The following PSD3 variants were observed in gnomAD, a reference collection of about 807,000 sequenced individuals.
PSD3 encodes the protein PH and SEC7 domain-containing protein 3.
Under a neutral mutation model 105.5 loss-of-function variants are expected in PSD3, and 49 were observed. The observed-to-expected ratio is 0.46, with a 90% confidence interval of 0.37 to 0.59. PSD3 has a LOEUF of 0.59. Among genes scored for constraint, PSD3 ranks in the 20% least tolerant of loss-of-function variants. The pLI is 0.00. For missense variants in PSD3, 1,561 were observed against 1,263.8 expected (o/e 1.24, Z -3.57); for synonymous variants, 557 against 457.8 (o/e 1.22, Z -2.77).
At chr8:19,030,617 C>T (rs1827732374) in intron 1 of PSD3, among the ~76,000 whole-genome samples, 1 of 152,174 alleles carries the variant, frequency 6.6e-6, no homozygotes, top group South Asian at 2.1e-4. Flanking sequence ...TTGTAAGCTT[C>T]CTGAGGCCTC....
intron 1 of PSD3, among the ~76,000 whole-genome samples, chr8:19,045,848 T>C (rs1411768640): frequency 6.6e-6 from 1 of 152,194 alleles, no homozygotes; most frequent in Non-Finnish European, 1.5e-5. Flanking sequence ...ATCCTCACAA[T>C]AACCTGTCAG....
intron 1 of PSD3, among the ~76,000 whole-genome samples, chr8:19,009,821 G>A (rs1437879864): frequency 6.9e-6 from 1 of 145,218 alleles, no homozygotes; most frequent in Non-Finnish European, 1.5e-5. Context: ...AGTCTGAGAG[G>A]CAGGGGTTGC....
At chr8:19,006,310 A>AG (rs1301139618) in intron 1 of PSD3, among the ~76,000 whole-genome samples, 18 of 149,816 alleles carry the variant, frequency 1.2e-4, no homozygotes, top group African/African-American at 3.9e-4. Context: ...AAAAAAAAAA[A>AG]AAAGAATATA....
At chr8:18,977,480 T>C (rs1023778118) in intron 1 of PSD3, among the ~76,000 whole-genome samples, 2 of 152,110 alleles carry the variant, frequency 1.3e-5, no homozygotes, top group African/African-American at 2.4e-5. Flanking sequence ...CTAATGTTAT[T>C]TGCTTTATTA....
intron 1 of PSD3, among the ~76,000 whole-genome samples, chr8:18,964,765 C>T (rs1824137294): frequency 6.6e-6 from 1 of 152,170 alleles, no homozygotes; most frequent in Non-Finnish European, 1.5e-5. Context: ...CTCCTTTTTA[C>T]ATCCAAGCCA....
chr8:18,979,080 A>G (rs1334445022), intron 1 of PSD3, among the ~76,000 whole-genome samples: 2 of 152,094 alleles, frequency 1.3e-5, no homozygotes, highest in African/African-American at 4.8e-5. Context: ...AATGGGTAAG[A>G]AGAGACTTCT....
chr8:18,565,362 T>A (rs970456521), intron 14 of PSD3, among the ~76,000 whole-genome samples: 4 of 151,988 alleles, frequency 2.6e-5, no homozygotes, highest in Non-Finnish European at 5.9e-5. Flanking sequence ...CCACCCCCAA[T>A]AGAAGAAAAA....
At chr8:18,942,139 T>G (rs1822586244) in intron 1 of PSD3, among the ~76,000 whole-genome samples, 1 of 152,180 alleles carries the variant, frequency 6.6e-6, no homozygotes, top group South Asian at 2.1e-4. Context: ...GAGTAGAGTT[T>G]GAGAAAGGTG....
Position 18,936,023 on chromosome 8 carries a change from G to T in PSD3, c.130+11C>A, listed in dbSNP as rs371320554. On this transcript the variant is annotated intron_variant, in intron 2 of 15. Coordinates refer to ENST00000327040, the MANE Select transcript of PSD3 (RefSeq NM_015310.4). ...AGTTTACCTGGGAGAGGGATATGAG[G>T]AAATACTTACTAGTATCTGGAGCTT... 1.9e-5 allele frequency: 29 copies of T among 1,556,110 alleles called. No individual in the cohort carries two copies. In the African/African-American group the frequency reaches 3.5e-4, roughly 19 times the overall value.
Position 18,929,027 on chromosome 8 carries a change from T to C in PSD3, c.130+7007A>G, listed in dbSNP as rs145874825. Among the ~76,000 whole-genome samples, 346 of 152,294 alleles carry C rather than the reference T, an allele frequency of 2.3e-3. 1 individual carries two copies. Among genetic ancestry groups the C allele is most frequent in the African/African-American group, 7.9e-3 (327 of 41,572 alleles). On this transcript the variant is annotated intron_variant, in intron 2 of 15. Transcript: ENST00000327040. ...AATGTTCTAAAGTGGCCTGTGGTGA[T>C]GGATGATGCACAATTCTATGAACGT...
chr8:18,879,465 T>C (rs1309488002), intron 2 of PSD3, among the ~76,000 whole-genome samples: 1 of 152,232 alleles, frequency 6.6e-6, no homozygotes, highest in Admixed American at 6.5e-5. Flanking sequence ...AATAAAATGA[T>C]GTTCAATAAA....
chr8:18,954,579 T>C (rs918870001), intron 1 of PSD3, among the ~76,000 whole-genome samples: 9 of 152,080 alleles, frequency 5.9e-5, no homozygotes, highest in Admixed American at 4.6e-4. Context: ...AGAGTTCTGG[T>C]CGGAGAAGAA....
At chr8:18,618,254 C>A (rs1168860469) in intron 11 of PSD3, among the ~76,000 whole-genome samples, 7 of 141,374 alleles carry the variant, frequency 5.0e-5, no homozygotes, top group Non-Finnish European at 9.9e-5. Flanking sequence ...TGGGCTAAAT[C>A]AATCAATGCA....
intron 3 of PSD3, 48 bp downstream of exon 3, chr8:18,871,578 T>C (rs1331760190): frequency 2.9e-5 from 44 of 1,528,826 alleles, no homozygotes; most frequent in Admixed American, 4.4e-5. Flanking sequence ...CAGTTTTCTA[T>C]GATATGTACC....
At chr8:18,707,040 G>A (rs1378262719) in intron 9 of PSD3, among the ~76,000 whole-genome samples, 1 of 152,066 alleles carries the variant, frequency 6.6e-6, no homozygotes, top group Non-Finnish European at 1.5e-5. Flanking sequence ...ATGCAATCTT[G>A]ACTACTTCTC....
intron 11 of PSD3, among the ~76,000 whole-genome samples, chr8:18,603,558 C>T (rs1014733352): frequency 6.6e-6 from 1 of 152,146 alleles, no homozygotes; most frequent in Non-Finnish European, 1.5e-5. Flanking sequence ...CTTATGAAGA[C>T]ATTATTTCAC....
intron 1 of PSD3, among the ~76,000 whole-genome samples, chr8:18,984,824 A>G (rs1378603197): frequency 6.6e-6 from 1 of 152,192 alleles, no homozygotes; most frequent in Non-Finnish European, 1.5e-5. Flanking sequence ...GCACAAGGCA[A>G]AGACCTTGGA....
chr8:18,919,889 T>C (rs1406382587), intron 2 of PSD3, among the ~76,000 whole-genome samples: 1 of 147,738 alleles, frequency 6.8e-6, no homozygotes, highest in African/African-American at 2.5e-5. Context: ...TTGGGAGATA[T>C]ACCTAATGCT....
chr8:18,980,923 G>C (rs1369756857), intron 1 of PSD3, among the ~76,000 whole-genome samples: 1 of 151,988 alleles, frequency 6.6e-6, no homozygotes, highest in Admixed American at 6.6e-5. Flanking sequence ...GCTGGTCTTC[G>C]CACTTAGCTA....
Sources: allele counts gnomAD v4.1 joint callset (sites outside exome capture counted in the v4.1 genomes callset), GRCh38; gene constraint gnomAD v4.1.1; transcripts MANE v1.5; gene names NCBI Gene and HGNC (gene_info 2026-07-23, HGNC 2026-07-21).